The following WWOX variants were observed in gnomAD, a reference collection of about 807,000 sequenced individuals.
WWOX encodes WW domain-containing oxidoreductase.
In WWOX, 69 loss-of-function variants were observed where a neutral mutation model predicts 46.2. The ratio of observed to expected loss-of-function variants is 1.49; its 90% CI spans 1.23 to 1.82. The LOEUF (loss-of-function observed/expected upper bound fraction) is 1.82, where lower values mean the gene tolerates loss of function less well. Among genes scored for constraint, WWOX ranks in the 40% most tolerant of loss-of-function variants. The pLI is 0.00. For synonymous variants in WWOX, 359 were observed against 202.6 expected, an observed-to-expected ratio of 1.77 and a Z score of -6.56; for missense variants, 919 against 542.6, an observed-to-expected ratio of 1.69 and a Z score of -6.89.
chr16:78,334,235 G>A (rs539676616), intron 5 of WWOX, among the ~76,000 whole-genome samples: 12 of 152,236 alleles, frequency 7.9e-5, no homozygotes, highest in Admixed American at 2.6e-4. Flanking sequence ...ACTGCGGCTC[G>A]TACAAAATTC....
intron 8 of WWOX, among the ~76,000 whole-genome samples, chr16:78,507,503 C>A (rs186565356): frequency 1.8e-4 from 27 of 152,260 alleles, no homozygotes; most frequent in South Asian, 1.5e-3. Flanking sequence ...TAAAAAGCTG[C>A]CTGTGTTTTT....
chr16:78,718,095 G>GTTTTTTTT (rs2048610447), intron 8 of WWOX, among the ~76,000 whole-genome samples: 1 of 145,764 alleles, frequency 6.9e-6, no homozygotes, highest in Admixed American at 6.8e-5. Context: ...TCTGGTGGTT[G>GTTTTTTTT]TATTTTTGCC....
intron 8 of WWOX, among the ~76,000 whole-genome samples, chr16:79,125,943 C>T (rs1049055760): frequency 6.6e-6 from 1 of 152,154 alleles, no homozygotes; most frequent in African/African-American, 2.4e-5. Flanking sequence ...TCTGTGAGTG[C>T]AGGAATCCGG....
intron 5 of WWOX, among the ~76,000 whole-genome samples, chr16:78,228,320 A>G (rs943025624): frequency 6.7e-6 from 1 of 149,600 alleles, no homozygotes; most frequent in African/African-American, 2.5e-5. Context: ...TACATGAGTC[A>G]ATAGGAATCA....
intron 8 of WWOX, among the ~76,000 whole-genome samples, chr16:78,824,913 C>G (rs1047030770): frequency 6.6e-6 from 1 of 152,112 alleles, no homozygotes; most frequent in African/African-American, 2.4e-5. Flanking sequence ...CCTTTGGGAG[C>G]AATTTTTGGG....
At chr16:78,427,050 C>G (rs2083097312) in intron 7 of WWOX, among the ~76,000 whole-genome samples, 1 of 152,152 alleles carries the variant, frequency 6.6e-6, no homozygotes, top group Non-Finnish European at 1.5e-5. Flanking sequence ...TCCCTTGGCT[C>G]CCATGAGTGA....
intron 8 of WWOX, among the ~76,000 whole-genome samples, chr16:78,463,151 C>G (rs1457197721): frequency 6.6e-6 from 1 of 152,116 alleles, no homozygotes; most frequent in South Asian, 2.1e-4. Context: ...GTTGGCATGC[C>G]AGAGTGAAAA....
intron 8 of WWOX, among the ~76,000 whole-genome samples, chr16:78,675,381 T>C (rs1232174580): frequency 6.6e-6 from 1 of 152,206 alleles, no homozygotes; most frequent in African/African-American, 2.4e-5. Context: ...ATAAATAATA[T>C]TTACAGAAAC....
intron 8 of WWOX, among the ~76,000 whole-genome samples, chr16:78,647,415 A>G (rs1032566328): frequency 4.6e-5 from 7 of 152,078 alleles, no homozygotes; most frequent in African/African-American, 1.4e-4. Flanking sequence ...CCAGGTTTCT[A>G]TCATTACACA....
chr16:78,296,142 T>C (rs2079940509), intron 5 of WWOX, among the ~76,000 whole-genome samples: 1 of 152,230 alleles, frequency 6.6e-6, no homozygotes, highest in Non-Finnish European at 1.5e-5. Flanking sequence ...CAATTTGTTG[T>C]AAATATGAGT....
intron 8 of WWOX, among the ~76,000 whole-genome samples, chr16:78,673,685 T>C (rs2047520322): frequency 2.0e-5 from 3 of 152,206 alleles, no homozygotes; most frequent in Non-Finnish European, 2.9e-5. Flanking sequence ...AAAGTGCAAA[T>C]TGCCAAACAA....
chr16:78,812,704 T>G (rs1471964477), intron 8 of WWOX, among the ~76,000 whole-genome samples: 1 of 151,706 alleles, frequency 6.6e-6, no homozygotes, highest in African/African-American at 2.4e-5. Context: ...GCAGCCTGGG[T>G]GACAGAATGA....
At chr16:78,807,214 A>T (rs892961575) in intron 8 of WWOX, among the ~76,000 whole-genome samples, 2 of 152,294 alleles carry the variant, frequency 1.3e-5, no homozygotes, top group East Asian at 3.9e-4. Context: ...GCTGTTTTTC[A>T]TGAATTTTCC....
At position 78,798,746 on chromosome 16, in the gene WWOX, T is replaced by A. The variant is rs532657326; in HGVS notation, c.1056+365994T>A. Among the ~76,000 whole-genome samples the A allele has an allele frequency of 9.2e-5, 14 of 152,268 alleles. No individual in the cohort carries two copies. In the South Asian group the frequency reaches 2.7e-3, roughly 29 times the overall value. ...CAGAGTATAACAATGATAAATGATG[T>A]TGTGTGTAATTTTTCTACTATTAAC... On this transcript the variant is annotated intron_variant, in intron 8 of 8. Coordinates refer to ENST00000566780, the MANE Select transcript of WWOX (RefSeq NM_016373.4).
At chr16:78,146,123 T>C (rs555162956) in intron 4 of WWOX, among the ~76,000 whole-genome samples, 35 of 152,254 alleles carry the variant, frequency 2.3e-4, no homozygotes, top group African/African-American at 8.4e-4. Flanking sequence ...CAATTCTAGT[T>C]GCGCATGCTT....
At chr16:79,058,658 A>T (rs1025781014) in intron 8 of WWOX, among the ~76,000 whole-genome samples, 3 of 152,232 alleles carry the variant, frequency 2.0e-5, no homozygotes, top group African/African-American at 7.2e-5. Context: ...TGTGATTTAT[A>T]TAATCAATCA....
chr16:78,667,810 C>T (rs187070016), intron 8 of WWOX, among the ~76,000 whole-genome samples: 10 of 152,198 alleles, frequency 6.6e-5, no homozygotes, highest in Non-Finnish European at 1.3e-4. Context: ...CATCAGCTTG[C>T]ATCTGTTTGC....
At chr16:78,834,171 C>G (rs1287813614) in intron 8 of WWOX, among the ~76,000 whole-genome samples, 2 of 152,166 alleles carry the variant, frequency 1.3e-5, no homozygotes, top group East Asian at 3.9e-4. Context: ...TAGGAACATT[C>G]CCTTCTTCTC....
chr16:78,861,942 T>C (rs2043893698), intron 8 of WWOX, among the ~76,000 whole-genome samples: 2 of 152,212 alleles, frequency 1.3e-5, no homozygotes, highest in Non-Finnish European at 2.9e-5. Context: ...GATTTGGTTG[T>C]TGGTGATACT....
Sources: allele counts gnomAD v4.1 joint callset (sites outside exome capture counted in the v4.1 genomes callset), GRCh38; gene constraint gnomAD v4.1.1; transcripts MANE v1.5; gene names NCBI Gene and HGNC (gene_info 2026-07-23, HGNC 2026-07-21).